Variants in SUMF1 observed in about 807,000 individuals in gnomAD.
The protein encoded by SUMF1 is sulfatase modifying factor 1.
In SUMF1, 48 loss-of-function variants were observed where a neutral mutation model predicts 47.6. That is an observed-to-expected ratio of 1.01 (90% CI 0.80 to 1.28). SUMF1 has a LOEUF of 1.28. SUMF1 is among the 50% of genes most tolerant of loss of function. SUMF1 has a pLI of 0.00. For missense variants in SUMF1, 571 were observed against 485.4 expected, an observed-to-expected ratio of 1.18 and a Z score of -1.66; for synonymous variants, 230 against 192.1, an observed-to-expected ratio of 1.20 and a Z score of -1.63.
chr3:4,230,023 G>A (rs957265271), intron 8 of SUMF1, among the ~76,000 whole-genome samples: 1 of 151,058 alleles, frequency 6.6e-6, no homozygotes, highest in African/African-American at 2.4e-5. Flanking sequence ...CAAAAAAAAA[G>A]AAAAGAAAAG....
rs1346158535 is a variant in SUMF1 at position 4,186,639 on chromosome 3, T to C, written c.1015-117894A>G. On this transcript the variant is annotated intron_variant and NMD_transcript_variant, in intron 8 of 12. Transcript: ENST00000448413. ...AAAATAAAATTGTCCCTATGACCAA[T>C]TTTACTGGGTGTTCATAAGCAGTAT... 1.3e-5 allele frequency among the ~76,000 whole-genome samples: 2 copies of C among 152,160 alleles called. 1 individual carries two copies. The highest frequency in any genetic ancestry group is 1.3e-4 in the Admixed American group (2 of 15,276).
At chr3:4,091,022 A>C (rs545690919) in intron 8 of SUMF1, among the ~76,000 whole-genome samples, 13 of 151,892 alleles carry the variant, frequency 8.6e-5, no homozygotes, top group Admixed American at 2.6e-4. Flanking sequence ...CGGAGGTTGC[A>C]GTGAGCCAAG....
rs370694575 is a variant in SUMF1, at chr3:4,365,922, A to C, written c.1015-3668T>G. Among the ~76,000 whole-genome samples the C allele has an allele frequency of 1.2e-3, 183 of 152,212 alleles. 3 individuals are homozygous for C. In the East Asian group the frequency reaches 0.02, roughly 16 times the overall value. On this transcript the variant is annotated intron_variant, in intron 8 of 8. Coordinates refer to ENST00000272902, the MANE Select transcript of SUMF1 (RefSeq NM_182760.4). ...TTTAGGGCAGGCCTGGTAGCAACAA[A>C]ATCTCTCAGCATTTGCTTGTCTGTA...
chr3:4,357,669 C>T (rs1465037589), downstream of SUMF1, among the ~76,000 whole-genome samples: 3 of 151,494 alleles, frequency 2.0e-5, no homozygotes, highest in African/African-American at 7.3e-5. Context: ...AGTGCAATGG[C>T]GCGATCTCGG....
At chr3:4,120,493 G>C (rs17039974) in intron 8 of SUMF1, among the ~76,000 whole-genome samples, 1 of 152,102 alleles carries the variant, frequency 6.6e-6, no homozygotes, top group Non-Finnish European at 1.5e-5. Context: ...GTACAACTCT[G>C]ACCTAAAATA....
At chr3:4,393,822 G>T (rs969744636) in intron 7 of SUMF1, among the ~76,000 whole-genome samples, 2 of 152,036 alleles carry the variant, frequency 1.3e-5, no homozygotes, top group South Asian at 4.2e-4. Context: ...TCAGTTTCCA[G>T]TGGTTGGGTG....
intron 9 of SUMF1, among the ~76,000 whole-genome samples, chr3:4,062,984 T>C (rs971447076): frequency 6.6e-6 from 1 of 152,132 alleles, no homozygotes; most frequent in Non-Finnish European, 1.5e-5. Context: ...AAATTCTTTC[T>C]GGAAGGAAAG....
chr3:4,069,224 T>G (rs1312779612), intron 8 of SUMF1, among the ~76,000 whole-genome samples: 1 of 152,132 alleles, frequency 6.6e-6, no homozygotes, highest in African/African-American at 2.4e-5. Context: ...AAAAGTGAGC[T>G]CTACACAAAT....
intron 8 of SUMF1, among the ~76,000 whole-genome samples, chr3:4,246,271 T>C (rs1696668151): frequency 6.6e-6 from 1 of 152,058 alleles, no homozygotes; most frequent in Non-Finnish European, 1.5e-5. Context: ...CTGCACCCAC[T>C]GTCCAACCAG....
intron 8 of SUMF1, among the ~76,000 whole-genome samples, chr3:4,299,847 A>G (rs1014452815): frequency 1.3e-5 from 2 of 152,192 alleles, no homozygotes; most frequent in African/African-American, 4.8e-5. Flanking sequence ...CTGGTACATA[A>G]TAAGTCAATA....
chr3:4,374,381 T>A (rs1381284060), intron 8 of SUMF1, among the ~76,000 whole-genome samples: 1 of 152,212 alleles, frequency 6.6e-6, no homozygotes, highest in Non-Finnish European at 1.5e-5. Flanking sequence ...TAAGTGTACT[T>A]AATAAAGTAT....
intron 8 of SUMF1, chr3:4,314,328 T>C (rs1441013435): frequency 6.5e-6 from 1 of 153,132 alleles, no homozygotes; most frequent in Admixed American, 6.5e-5. Context: ...AAGAAACCCT[T>C]GTGGCTGCAT....
At chr3:4,237,954 C>A (rs1425006358) in intron 8 of SUMF1, among the ~76,000 whole-genome samples, 1 of 151,978 alleles carries the variant, frequency 6.6e-6, no homozygotes, top group Non-Finnish European at 1.5e-5. Context: ...CAACAGGCCC[C>A]AGTGTGTAAT....
At chr3:4,367,702 C>A (rs1240475679) in intron 8 of SUMF1, among the ~76,000 whole-genome samples, 1 of 152,196 alleles carries the variant, frequency 6.6e-6, no homozygotes, top group Admixed American at 6.5e-5. Flanking sequence ...ACTGTCTGAT[C>A]TTTGACAAAC....
chr3:4,230,653 T>C (rs527818003), intron 8 of SUMF1, among the ~76,000 whole-genome samples: 1 of 152,086 alleles, frequency 6.6e-6, no homozygotes, highest in Non-Finnish European at 1.5e-5. Flanking sequence ...GATTAAATCA[T>C]TGCCCGCTGG....
intron 8 of SUMF1, among the ~76,000 whole-genome samples, chr3:4,148,963 T>C (rs947533983): frequency 1.3e-5 from 2 of 152,104 alleles, no homozygotes; most frequent in African/African-American, 2.4e-5. Context: ...TTAAAGAGCA[T>C]AGGACATTAA....
At chr3:4,073,712 T>C (rs1219052779) in intron 8 of SUMF1, among the ~76,000 whole-genome samples, 2 of 152,034 alleles carry the variant, frequency 1.3e-5, no homozygotes, top group African/African-American at 4.8e-5. Flanking sequence ...AAACACACTT[T>C]AAACCAACAA....
intron 3 of SUMF1, among the ~76,000 whole-genome samples, chr3:4,443,945 T>C (rs1702693445): frequency 6.6e-6 from 1 of 151,612 alleles, no homozygotes; most frequent in African/African-American, 2.4e-5. Flanking sequence ...TAAAAAAAAA[T>C]TGTGAAACTA....
chr3:4,362,061 T>C lies in SUMF1; in HGVS notation c.*83A>G, dbSNP rs1036952753. The stretch of plus-strand genomic sequence containing the variant: ...CACCTCAGGGTGGGAATTCTTTGCA[T>C]GGGATCGTTCAAAGTTCTGAGAAAA... On this transcript the variant is annotated 3_prime_UTR_variant, in exon 9 of 9. Transcript: ENST00000272902. 2.8e-5 allele frequency: 38 copies of C among 1,357,042 alleles called. No homozygotes were observed. The highest frequency in any genetic ancestry group is 2.6e-4 in the African/African-American group (18 of 69,380). 84.1% of individuals were successfully genotyped at this position (1,357,042 alleles called of 1,614,324 possible).
Sources: allele counts gnomAD v4.1 joint callset (sites outside exome capture counted in the v4.1 genomes callset), GRCh38; gene constraint gnomAD v4.1.1; transcripts MANE v1.5; gene names NCBI Gene and HGNC (gene_info 2026-07-23, HGNC 2026-07-21).